FBXL2: variants seen among roughly 807,000 people sequenced by gnomAD.
FBXL2 encodes F-box and leucine rich repeat protein 2.
In FBXL2, 38 loss-of-function variants were observed where a neutral mutation model predicts 69.2. The ratio of observed to expected loss-of-function variants is 0.55; its 90% CI spans 0.42 to 0.72. The LOEUF is 0.72. Ranked by LOEUF, FBXL2 falls within the 30% of genes least tolerant of loss-of-function variation. The pLI is 0.00. For missense variants in FBXL2, 354 were observed against 520.3 expected, an observed-to-expected ratio of 0.68 and a Z score of 3.11; for synonymous variants, 192 against 201.3, an observed-to-expected ratio of 0.95 and a Z score of 0.39.
the FBXL2 span, among the ~76,000 whole-genome samples, chr3:33,422,090 T>C: frequency 6.6e-6 from 1 of 152,258 alleles, no homozygotes; most frequent in Non-Finnish European, 1.5e-5. Flanking sequence ...AAAGCAAGTC[T>C]AGTGAGCTGA....
At chr3:33,306,897 T>C (rs372752906) in intron 2 of FBXL2, among the ~76,000 whole-genome samples, 2 of 152,258 alleles carry the variant, frequency 1.3e-5, no homozygotes, top group East Asian at 3.9e-4. Flanking sequence ...TCTTAATTCT[T>C]TTTCTTCCCA....
intron 1 of FBXL2, among the ~76,000 whole-genome samples, chr3:33,277,991 T>C (rs556087688): frequency 1.5e-3 from 222 of 152,316 alleles, no homozygotes; most frequent in Middle Eastern, 0.014. Context: ...ATCAGCATTC[T>C]GATAGGTTTT....
chr3:33,367,664 G>A (rs184095079), intron 5 of FBXL2, among the ~76,000 whole-genome samples: 10 of 150,808 alleles, frequency 6.6e-5, no homozygotes, highest in African/African-American at 2.4e-4. Context: ...ACCAGCTTTT[G>A]TTTTCACCCA....
At chr3:33,291,823 A>G (rs1488781125) in intron 1 of FBXL2, among the ~76,000 whole-genome samples, 6 of 152,228 alleles carry the variant, frequency 3.9e-5, no homozygotes, top group Non-Finnish European at 7.3e-5. Context: ...CTTAAAATCA[A>G]CCATGTCAGT....
chr3:33,411,687 T>C, the FBXL2 span: 1 of 1,611,254 alleles, frequency 6.2e-7, no homozygotes, highest in Non-Finnish European at 8.5e-7. Flanking sequence ...CATTGGAATA[T>C]CTATGTTTTA....
intron 2 of FBXL2, among the ~76,000 whole-genome samples, chr3:33,322,064 A>ATT (rs34703817): frequency 0.031 from 1,942 of 62,474 alleles, 495 homozygotes; most frequent in African/African-American, 0.13. Flanking sequence ...TGACTAGGTG[A>ATT]TTTTTTTTTT....
intron 6 of FBXL2, 47 bp downstream of exon 6, chr3:33,373,207 G>A (rs1400866540): frequency 3.1e-6 from 5 of 1,610,612 alleles, no homozygotes; most frequent in South Asian, 1.1e-5. Flanking sequence ...CGGGGAGAGA[G>A]AAGGGAGAGA....
At chr3:33,315,302 C>T (rs1575165056) in intron 2 of FBXL2, among the ~76,000 whole-genome samples, 1 of 136,926 alleles carries the variant, frequency 7.3e-6, no homozygotes, top group South Asian at 2.3e-4. Context: ...CTGTTTCTCT[C>T]TTTCTCTTTC....
intron 4 of FBXL2, among the ~76,000 whole-genome samples, chr3:33,360,921 T>TTC (rs2041572550): frequency 1.1e-5 from 1 of 87,552 alleles, no homozygotes; most frequent in African/African-American, 6.6e-5. Flanking sequence ...TGAAGAACTT[T>TTC]TTTTTTTTTT....
chr3:33,332,098 A>T (rs954039029), intron 2 of FBXL2, among the ~76,000 whole-genome samples: 11 of 152,084 alleles, frequency 7.2e-5, no homozygotes, highest in African/African-American at 1.9e-4. Flanking sequence ...TACCTAAATT[A>T]AAAAAACCTA....
chr3:33,314,079 T>C (rs1423825954), intron 2 of FBXL2, among the ~76,000 whole-genome samples: 1 of 152,208 alleles, frequency 6.6e-6, no homozygotes, highest in East Asian at 1.9e-4. Flanking sequence ...ATATTGTTTA[T>C]ATATCCTTGA....
At chr3:33,403,238 C>A in exon 13 of FBXL2, 1 of 241,708 alleles carries the variant, frequency 4.1e-6, no homozygotes, top group Non-Finnish European at 8.2e-6. Context: ...TATCAGTTTC[C>A]CAACAGGCAC....
intron 2 of FBXL2, among the ~76,000 whole-genome samples, chr3:33,338,445 GAAA>G (rs2039754351): frequency 6.7e-6 from 1 of 150,364 alleles, no homozygotes; most frequent in Non-Finnish European, 1.5e-5. Context: ...CATATGGAAT[GAAA>G]AAAAAAGTCT....
the FBXL2 span, among the ~76,000 whole-genome samples, chr3:33,422,394 GGAAAA>G: frequency 6.6e-6 from 1 of 151,598 alleles, no homozygotes; most frequent in Non-Finnish European, 1.5e-5. Context: ...ACAAATAAAA[GGAAAA>G]GAAAAGAAGG....
chr3:33,404,352 C>T (rs1237255922), downstream of FBXL2, among the ~76,000 whole-genome samples: 2 of 152,036 alleles, frequency 1.3e-5, no homozygotes, highest in Middle Eastern at 6.8e-3. Context: ...GCGGGGGTTG[C>T]AGTGAGCCGA....
chr3:33,319,336 A>C, intron 2 of FBXL2, among the ~76,000 whole-genome samples: 1 of 152,170 alleles, frequency 6.6e-6, no homozygotes, highest in East Asian at 1.9e-4. Context: ...ATTTGAATGT[A>C]TTGCCTATTA....
chr3:33,282,699 T>C (rs934880504), intron 1 of FBXL2, among the ~76,000 whole-genome samples: 1 of 152,254 alleles, frequency 6.6e-6, no homozygotes, highest in Non-Finnish European at 1.5e-5. Context: ...TTCTTCCATT[T>C]GTTTGTGTCC....
At chr3:33,315,294 G>T (rs1575164968) in intron 2 of FBXL2, among the ~76,000 whole-genome samples, 8 of 96,460 alleles carry the variant, frequency 8.3e-5, no homozygotes, top group Admixed American at 2.4e-4. Context: ...CTCTTTCTCT[G>T]TTTCTCTCTT....
At chr3:33,302,708 A>C (rs1235749162) in intron 2 of FBXL2, among the ~76,000 whole-genome samples, 1 of 152,168 alleles carries the variant, frequency 6.6e-6, no homozygotes, top group Non-Finnish European at 1.5e-5. Flanking sequence ...TCCTTTTTAA[A>C]TTTGTGTGGA....
Sources: gnomAD v4.1 joint callset for allele counts (sites outside exome capture counted in the v4.1 genomes callset) on GRCh38, gnomAD v4.1.1 for gene constraint, MANE v1.5 for transcripts, NCBI Gene and HGNC (gene_info 2026-07-23, HGNC 2026-07-21) for gene names.